Variants in ADAM33 observed in about 807,000 individuals in gnomAD.
The protein encoded by ADAM33 is ADAM metallopeptidase domain 33.
In ADAM33, 103 loss-of-function variants were observed where a neutral mutation model predicts 106.2. The observed-to-expected ratio is 0.97, with a 90% CI of 0.83 to 1.14. The LOEUF (loss-of-function observed/expected upper bound fraction) is 1.14. Ranked by LOEUF, ADAM33 falls within the 50% of genes most tolerant of loss-of-function variation. The pLI is 0.00. For missense variants in ADAM33, 1,120 were observed against 1,096.6 expected (o/e 1.02, Z -0.30); for synonymous variants, 483 against 453.0 (o/e 1.07, Z -0.84).
chr20:3,673,076 A>G, intron 11 of ADAM33, 178 bp from the exon 12 acceptor site: 1 of 1,445,316 alleles, frequency 6.9e-7, no homozygotes, highest in Non-Finnish European at 9.1e-7. Flanking sequence ...CCCAATAGTG[A>G]GCAGCCCGGG....
rs112578710 is a variant in ADAM33 at position 3,675,527 on chromosome 20, T to G, written c.255-422A>C. 4.6e-5 allele frequency among the ~76,000 whole-genome samples: 7 copies of G among 152,180 alleles called. No individual in the cohort carries two copies. Among genetic ancestry groups the G allele is most frequent in the African/African-American group, 1.7e-4 (7 of 41,514 alleles). On this transcript the variant is annotated intron_variant, in intron 3 of 21. Transcript: ENST00000356518. This position sits in a 1 kb window ranked among gnomAD's most constrained non-coding sequence, Gnocchi z 4.1. ...TCCCCTGCCTGCTGCCCTCCTTTGT[T>G]GGGCATCTGGTCGACCCTCTTGCCC...
Position 3,668,931 on chromosome 20 carries a change from T to C in ADAM33, c.*32A>G, listed in dbSNP as rs550126514. 3.1e-6 allele frequency: 5 copies of C among 1,612,904 alleles called. No individual in the cohort carries two copies. The highest frequency in any genetic ancestry group is 2.7e-5 in the African/African-American group (2 of 74,986). On this transcript the variant is annotated 3_prime_UTR_variant, in exon 22 of 22. Transcript: ENST00000356518. The stretch of plus-strand genomic sequence containing the variant: ...TGGAGTGGCTGTCAGTGGCCACCTG[T>C]CTTTAAATCTGTTCATTTTAGGAGC...
chr20:3,676,916 G>A, intron 3 of ADAM33, 151 bp downstream of exon 3: 4 of 804,488 alleles, frequency 5.0e-6, no homozygotes, highest in Non-Finnish European at 7.3e-6. Context: ...TCAGCCTCCA[G>A]GGAGCCAACC....
rs1040559829 is a variant in ADAM33 at position 3,675,504 on chromosome 20, C to T, written c.255-399G>A. On this transcript the variant is annotated intron_variant, in intron 3 of 21. Transcript: ENST00000356518. This position sits in a 1 kb window ranked among gnomAD's most constrained non-coding sequence, Gnocchi z 4.1. ...GAAATGCGGTGACCTCCCCCAGTTC[C>T]CCTGCCTGCTGCCCTCCTTTGTTGG... Among the ~76,000 whole-genome samples, 3 of 152,052 alleles carry T rather than the reference C, an allele frequency of 2.0e-5. No homozygotes were observed. Among genetic ancestry groups the T allele is most frequent in the African/African-American group, 7.3e-5 (3 of 41,378 alleles).
intron 2 of ADAM33, among the ~76,000 whole-genome samples, chr20:3,678,952 G>A (rs996223687): frequency 1.2e-4 from 18 of 152,070 alleles, no homozygotes; most frequent in African/African-American, 3.1e-4. Flanking sequence ...AAGCACATGG[G>A]GTGGTCTTAC....
At position 3,669,635 on chromosome 20, in the gene ADAM33, G is replaced by T; in HGVS notation, c.2243C>A (p.Pro748His). ...GCRRDPACSGPKDGPHRDHPL... is the reference protein window; with the variant it reads ...GCRRDPACSGHKDGPHRDHPL... Reference sequence around the variant, plus strand: ...GTGGTCCCTGTGTGGGCCATCTTTGGGGCTGAGCAACGTGATAAGAGTCCA... The same window carrying T: ...GTGGTCCCTGTGTGGGCCATCTTTGTGGCTGAGCAACGTGATAAGAGTCCA... Residue 748 changes from proline to histidine, a missense_variant and splice_region_variant, in exon 20 of 22, where the codon CCC becomes CAC. Physicochemically the swap from Pro to His is moderately conservative, Grantham distance 77. Coordinates refer to ENST00000356518, the MANE Select transcript of ADAM33 (RefSeq NM_025220.5). 3.7e-6 allele frequency: 6 copies of T among 1,600,460 alleles called. No individual in the cohort carries two copies. Among genetic ancestry groups the T allele is most frequent in the Non-Finnish European group, 5.1e-6 (6 of 1,174,524 alleles).
At position 3,671,425 on chromosome 20, in the gene ADAM33, G is replaced by T; in HGVS notation, c.1977C>A (p.Ser659Arg). 6.2e-7 allele frequency: 1 copy of T among 1,612,504 alleles called. No individual in the cohort carries two copies. Among genetic ancestry groups the T allele is most frequent in the Non-Finnish European group, 8.5e-7 (1 of 1,179,192 alleles). ...CCACTCCTCGGGCTCTCACCCCGTG[G>T]CTGTGGCAGGCAGTCAGGCAGCGCT... ...ELQRCLTACH[S>R]HGVCNSNHNC... Residue 659 changes from serine (S) to arginine (R), a missense_variant, in exon 17 of 22, where the codon AGC becomes AGA. Coordinates refer to ENST00000356518, the MANE Select transcript of ADAM33 (RefSeq NM_025220.5).
In ADAM33 at chr20:3,673,346, C is replaced by A. The variant is rs1425119843; in HGVS notation, c.1133+8G>T. ...CCCCGCCGCAGCCCCGACCCCCCAC[C>A]CGCGTACCCGGTGGCCGCAGCCATG... On this transcript the variant is annotated splice_region_variant and intron_variant, in intron 11 of 21. Coordinates refer to ENST00000356518, the MANE Select transcript of ADAM33 (RefSeq NM_025220.5). The A allele has an allele frequency of 6.5e-7, 1 of 1,537,896 alleles. No homozygotes were observed. Among genetic ancestry groups the A allele is most frequent in the Non-Finnish European group, 8.7e-7 (1 of 1,148,178 alleles).
In ADAM33 at chr20:3,671,887, A is replaced by G; in HGVS notation, c.1696T>C (p.Cys566Arg). ...GQDSEGHFLP[C>R]AGRDALCGKL... ...AGCTCCACTCCCTACCTCCCTGCAC[A>G]GGGCAGGAAGTGGCCCTCGCTGTCC... The change falls in exon 15 of 22, where the codon TGT becomes CGT. Residue 566 changes from cysteine to arginine, a missense_variant. Coordinates refer to ENST00000356518, the MANE Select transcript of ADAM33 (RefSeq NM_025220.5). 6.4e-7 allele frequency: 1 copy of G among 1,552,966 alleles called. No individual in the cohort carries two copies. Among genetic ancestry groups the G allele is most frequent in the South Asian group, 1.2e-5 (1 of 84,142 alleles).
chr20:3,674,800 ACCCAGGAGTCGGG>A lies in ADAM33; in HGVS notation c.370_382del (p.Pro124Ter). 1 of 1,611,074 alleles carries A rather than the reference ACCCAGGAGTCGGG, an allele frequency of 6.2e-7. No individual in the cohort carries two copies. On this transcript the variant is annotated frameshift_variant, in exon 5 of 22. Transcript: ENST00000356518. LOFTEE classifies it high-confidence loss of function. ...CATCCCAGAGCAGGTGCAGAGGACT[ACCCAGGAGTCGGG>A]GAAGCCCCTTACTCGCCCTTGGTAG...
In ADAM33 at chr20:3,674,828, G is replaced by A. The variant is rs201984188; in HGVS notation, c.355C>T (p.Arg119Ter). Residue 119 changes from arginine (R) to a stop codon, truncating the protein, a stop_gained, in exon 5 of 22, where the codon CGA becomes TGA. Transcript: ENST00000356518. LOFTEE classifies it high-confidence loss of function. Reference sequence around the variant, plus strand: ...CAGGAGTCGGGGAAGCCCCTTACTCGCCCTTGGTAGTGGCAATGATCCTAG... The same window carrying A: ...CAGGAGTCGGGGAAGCCCCTTACTCACCCTTGGTAGTGGCAATGATCCTAG... ...NHTDHCHYQGRVRGFPDSWVV... is the reference protein window; with the variant it reads ...NHTDHCHYQG 4.8e-5 allele frequency: 78 copies of A among 1,610,998 alleles called. No homozygotes were observed. Among genetic ancestry groups the A allele is most frequent in the Middle Eastern group, 1.7e-4 (1 of 6,048 alleles).
rs1441031798 is a variant in ADAM33, at chr20:3,675,193, T to C, written c.255-88A>G. On this transcript the variant is annotated intron_variant, in intron 3 of 21. Transcript: ENST00000356518. This position sits in a 1 kb window ranked among gnomAD's most constrained non-coding sequence, Gnocchi z 4.1. The stretch of plus-strand genomic sequence containing the variant: ...CCCAGCCTTCCTCCCTAAATGCTAA[T>C]GGAGCAGCTTTATGAGTGAGACACT... 11 of 998,240 alleles carry C rather than the reference T, an allele frequency of 1.1e-5. No homozygotes were observed. Among genetic ancestry groups the C allele is most frequent in the Non-Finnish European group, 1.7e-5 (11 of 652,620 alleles). The allele number at this position is 998,240 out of a possible 1,614,324, so 61.8% of individuals were successfully genotyped here.
rs1246008566 is a variant in ADAM33, at chr20:3,673,528, C to T, written c.991-32G>A. ...GGCCGTGGGAGGGCGGTCACTGCGG[C>T]CGTAGAGCCTCCTGTCTCTCCCTCG... On this transcript the variant is annotated intron_variant, in intron 10 of 21. Coordinates refer to ENST00000356518, the MANE Select transcript of ADAM33 (RefSeq NM_025220.5). 8.2e-6 allele frequency: 12 copies of T among 1,455,156 alleles called. No individual in the cohort carries two copies. In the East Asian group the frequency reaches 2.9e-4, roughly 35 times the overall value. The allele number at this position is 1,455,156 out of a possible 1,614,324, so 90.1% of individuals were successfully genotyped here.
intron 1 of ADAM33, 150 bp from the exon 2 acceptor site, chr20:3,679,721 T>C: frequency 3.1e-6 from 2 of 636,880 alleles, no homozygotes; most frequent in Non-Finnish European, 5.5e-6. Context: ...GGGCTCAGCC[T>C]GGAGAAGGAG....
intron 11 of ADAM33, 174 bp from the exon 12 acceptor site, chr20:3,673,072 A>G: frequency 6.9e-7 from 1 of 1,444,790 alleles, no homozygotes; most frequent in South Asian, 1.5e-5. Context: ...CGGCCCCAAT[A>G]GTGAGCAGCC....
At chr20:3,673,299 A>G (rs1166467520) in intron 11 of ADAM33, 55 bp downstream of exon 11, 1 of 1,534,904 alleles carries the variant, frequency 6.5e-7, no homozygotes, top group Admixed American at 2.0e-5. Flanking sequence ...AACGCAGCGG[A>G]GGAAGTCCCC....
chr20:3,671,108 G>A lies in ADAM33; in HGVS notation c.2138C>T (p.Pro713Leu). 1.2e-6 allele frequency: 2 copies of A among 1,603,450 alleles called. No homozygotes were observed. Among genetic ancestry groups the A allele is most frequent in the Non-Finnish European group, 1.7e-6 (2 of 1,175,218 alleles). Residue 713 changes from proline to leucine, a missense_variant, in exon 19 of 22, where the codon CCT becomes CTT. Transcript: ENST00000356518. ...GGCCAGGCCGGCCCCTGGGAGCAGA[G>A]GCAGCAGGACGCTGAGGAGCATGGC... Reference protein sequence around the residue: ...LLAMLLSVLLPLLPGAGLAWC... With the variant: ...LLAMLLSVLLLLLPGAGLAWC...
In ADAM33 at chr20:3,673,090, C is replaced by A. The variant is rs187075522; in HGVS notation, c.1134-192G>T. ...CCCCAATAGTGAGCAGCCCGGGACC[C>A]AAGGTGGAATCGCGACCCGACGGTG... is the stretch of plus-strand genomic sequence containing the variant. On this transcript the variant is annotated intron_variant, in intron 11 of 21. Coordinates refer to ENST00000356518, the MANE Select transcript of ADAM33 (RefSeq NM_025220.5). 3.4e-3 allele frequency: 4,872 copies of A among 1,451,866 alleles called. 9 individuals carry two copies. The highest frequency in any genetic ancestry group is 4.2e-3 in the Non-Finnish European group (4,676 of 1,106,408). The allele number at this position is 1,451,866 out of a possible 1,614,324, so 89.9% of individuals were successfully genotyped here.
intron 15 of ADAM33, 39 bp from the exon 16 acceptor site, chr20:3,671,818 C>G (rs1355857168): frequency 1.4e-5 from 21 of 1,551,548 alleles, no homozygotes; most frequent in Non-Finnish European, 1.3e-5. Flanking sequence ...GCTGCAGTAC[C>G]CCCCTTCCCC....
Sources: gnomAD v4.1 joint callset for allele counts (sites outside exome capture counted in the v4.1 genomes callset) on GRCh38, gnomAD v4.1.1 for gene constraint, Gnocchi (gnomAD v3.1) non-coding constraint, MANE v1.5 for transcripts, NCBI Gene and HGNC (gene_info 2026-07-23, HGNC 2026-07-21) for gene names.